The following TDG variants were observed in gnomAD, a reference collection of about 807,000 sequenced individuals.
TDG encodes thymine DNA glycosylase, also known as G/T mismatch-specific thymine DNA glycosylase.
TDG carries 23 observed loss-of-function variants against 46.1 expected under a neutral mutation model. The observed-to-expected ratio is 0.50, with a 90% CI of 0.36 to 0.71. TDG has a LOEUF of 0.71. Ranked by LOEUF, TDG falls within the 30% of genes least tolerant of loss-of-function variation. The pLI is 0.00. For synonymous variants in TDG, 115 were observed against 161.3 expected (o/e 0.71, Z 2.18); for missense variants, 304 against 486.7 (o/e 0.62, Z 3.53).
chr12:103,980,830 T>C (rs4135096), intron 3 of TDG, 63 bp from the exon 4 acceptor site: 1 of 1,494,414 alleles, frequency 6.7e-7, no homozygotes, highest in Non-Finnish European at 9.2e-7. Context: ...CACTCCTCCA[T>C]AGAAACGCTA....
intron 1 of TDG, among the ~76,000 whole-genome samples, chr12:103,974,362 G>C (rs541111071): frequency 6.6e-6 from 1 of 152,122 alleles, no homozygotes; most frequent in Admixed American, 6.5e-5. Flanking sequence ...CTGTAACCTT[G>C]AACTCCTAGA....
intron 8 of TDG, among the ~76,000 whole-genome samples, chr12:103,985,127 G>A (rs1260070336): frequency 6.8e-6 from 1 of 146,794 alleles, no homozygotes; most frequent in Non-Finnish European, 1.5e-5. Context: ...GTATACACTT[G>A]TGTGCGTATA....
intron 1 of TDG, among the ~76,000 whole-genome samples, chr12:103,976,024 G>C (rs541914883): frequency 2.0e-5 from 3 of 150,976 alleles, no homozygotes; most frequent in Non-Finnish European, 4.4e-5. Flanking sequence ...TTCAACACGT[G>C]AACTTTGGGG....
intron 1 of TDG, 87 bp downstream of exon 1, chr12:103,966,147 T>G: frequency 7.2e-7 from 1 of 1,396,892 alleles, no homozygotes; most frequent in Non-Finnish European, 9.4e-7. Flanking sequence ...GCAGGGGTCT[T>G]TTAAATCCCG....
intron 8 of TDG, 137 bp from the exon 9 acceptor site, chr12:103,985,466 A>G (rs1872096887): frequency 9.8e-7 from 1 of 1,021,732 alleles, no homozygotes; most frequent in Non-Finnish European, 1.3e-6. Context: ...ACATGCTATA[A>G]GTTTAAAAGA....
chr12:103,971,467 AAT>A (rs1390749147), intron 1 of TDG, among the ~76,000 whole-genome samples: 2 of 152,218 alleles, frequency 1.3e-5, no homozygotes, highest in African/African-American at 4.8e-5. Flanking sequence ...GAGGCAGGAG[AAT>A]CACTTGAACC....
chr12:103,980,641 G>T, intron 3 of TDG: 1 of 373,056 alleles, frequency 2.7e-6, no homozygotes, highest in Non-Finnish European at 4.8e-6. Context: ...AGGGTGCGAG[G>T]CCTGGGATCA....
intron 7 of TDG, among the ~76,000 whole-genome samples, chr12:103,983,733 G>A (rs1871977755): frequency 6.6e-6 from 1 of 152,138 alleles, no homozygotes; most frequent in South Asian, 2.1e-4. Context: ...AAACAAACAT[G>A]GAAACACAGA....
intron 1 of TDG, among the ~76,000 whole-genome samples, chr12:103,972,317 C>T (rs1273348961): frequency 3.9e-5 from 6 of 152,184 alleles, no homozygotes; most frequent in Non-Finnish European, 8.8e-5. Context: ...TGGGGTTTCA[C>T]CATGTTGGCC....
chr12:103,974,641 G>C (rs887988359), intron 1 of TDG, among the ~76,000 whole-genome samples: 1 of 152,084 alleles, frequency 6.6e-6, no homozygotes, highest in Non-Finnish European at 1.5e-5. Context: ...ATATCATAGA[G>C]AATGAAAACT....
intron 1 of TDG, among the ~76,000 whole-genome samples, chr12:103,972,286 GTT>G (rs1481286532): frequency 2.0e-5 from 3 of 152,184 alleles, no homozygotes; most frequent in Admixed American, 6.6e-5. Context: ...GCCTGACTAA[GTT>G]TTGTATTTTT....
intron 3 of TDG, chr12:103,980,508 T>A (rs897157978): frequency 8.8e-6 from 2 of 227,842 alleles, no homozygotes; most frequent in African/African-American, 4.6e-5. Context: ...ATGTGAACAA[T>A]TGTGTAGGTG....
At chr12:103,967,088 A>G (rs1437028456) in intron 1 of TDG, among the ~76,000 whole-genome samples, 1 of 152,272 alleles carries the variant, frequency 6.6e-6, no homozygotes, top group African/African-American at 2.4e-5. Flanking sequence ...AACTTTACAA[A>G]TAAGAGAATT....
intron 7 of TDG, 87 bp from the exon 8 acceptor site, chr12:103,984,662 C>A (rs1488405350): frequency 2.1e-5 from 23 of 1,119,180 alleles, no homozygotes; most frequent in Non-Finnish European, 2.6e-5. Flanking sequence ...AAGTTATTAA[C>A]CCAAATAAAG....
Position 103,966,077 on chromosome 12 carries a change from C to T in TDG, c.23+17C>T. 2.6e-6 allele frequency: 4 copies of T among 1,560,334 alleles called. No homozygotes were observed. The highest frequency in any genetic ancestry group is 4.8e-5 in the East Asian group (2 of 41,624). ...CGCGGGCAGGTAATACCGGGGCCAGCGCCGCCCCTCCCTTGCGCCCCTCAC... is the reference window on the plus strand; with the variant it reads ...CGCGGGCAGGTAATACCGGGGCCAGTGCCGCCCCTCCCTTGCGCCCCTCAC... On this transcript the variant is annotated intron_variant, in intron 1 of 9. Coordinates refer to ENST00000392872, the MANE Select transcript of TDG (RefSeq NM_003211.6).
chr12:103,976,059 CA>C (rs142710697), intron 1 of TDG, among the ~76,000 whole-genome samples: 44,799 of 142,098 alleles, frequency 0.32, 7,680 homozygotes, highest in Non-Finnish European at 0.39. Flanking sequence ...ATAGCAGTGG[CA>C]AAAAAAAAAA....
At chr12:103,967,620 C>G (rs1391456581) in intron 1 of TDG, among the ~76,000 whole-genome samples, 1 of 151,816 alleles carries the variant, frequency 6.6e-6, no homozygotes, top group African/African-American at 2.4e-5. Flanking sequence ...CCAGGCCTGG[C>G]TAATTTTTGT....
intron 2 of TDG, among the ~76,000 whole-genome samples, chr12:103,978,059 TCAAAAA>T (rs4015355): frequency 0.27 from 40,224 of 151,004 alleles, 5,433 homozygotes; most frequent in African/African-American, 0.31. Context: ...AGACTCTGTC[TCAAAAA>T]CAAAAACAAA....
rs1384456363 is a variant in TDG, at chr12:103,987,443, A to C, written c.*353A>C. On this transcript the variant is annotated 3_prime_UTR_variant, in exon 10 of 10. Coordinates refer to ENST00000392872, the MANE Select transcript of TDG (RefSeq NM_003211.6). ...GATTCTTAACTGCATAAACCTAGAT[A>C]TACCATTATCCCTTTTATACCTAAG... 62 of 191,128 alleles carry C rather than the reference A, an allele frequency of 3.2e-4. No individual in the cohort carries two copies. The highest frequency in any genetic ancestry group is 2.6e-3 in the Admixed American group (49 of 18,724). The allele number at this position is 191,128 out of a possible 1,614,324, so 11.8% of individuals were successfully genotyped here.
Sources: allele counts gnomAD v4.1 joint callset (sites outside exome capture counted in the v4.1 genomes callset), GRCh38; gene constraint gnomAD v4.1.1; transcripts MANE v1.5; gene names NCBI Gene and HGNC (gene_info 2026-07-23, HGNC 2026-07-21).